The following MYH8 variants were observed in gnomAD, a reference collection of about 807,000 sequenced individuals.
MYH8 encodes the protein myosin heavy chain 8.
MYH8 carries 168 observed loss-of-function variants against 233.2 expected under a neutral mutation model. That is an observed-to-expected ratio of 0.72 (90% CI 0.64 to 0.82). The LOEUF (loss-of-function observed/expected upper bound fraction) is 0.82, where lower values mean the gene tolerates loss of function less well. MYH8 is among the 40% of genes least tolerant of loss of function. The pLI is 0.00. For synonymous variants in MYH8, 785 were observed against 850.6 expected (o/e 0.92, Z 1.34); for missense variants, 1,995 against 2,327.8 (o/e 0.86, Z 2.94).
rs1165311923 is a variant in MYH8 at position 10,420,082 on chromosome 17, T to C, written c.146A>G (p.Tyr49Cys). Residue 49 changes from tyrosine to cysteine, a missense_variant, in exon 3 of 40, where the codon TAT becomes TGT. Physicochemically the swap from Tyr to Cys is radical, Grantham distance 194 (BLOSUM62 -2). Coordinates refer to ENST00000403437, the MANE Select transcript of MYH8 (RefSeq NM_002472.3). Reference sequence around the variant, plus strand: ...TTTGCTTTGTATAGTGCTCTTCACATAGGATTCCTTGGGCTCCGCCACAAA... The same window carrying C: ...TTTGCTTTGTATAGTGCTCTTCACACAGGATTCCTTGGGCTCCGCCACAAA... ...SVFVAEPKES[Y>C]VKSTIQSKEG... 2.5e-6 allele frequency: 4 copies of C among 1,614,130 alleles called. No homozygotes were observed. Among genetic ancestry groups the C allele is most frequent in the Non-Finnish European group, 3.4e-6 (4 of 1,180,046 alleles).
At position 10,392,602 on chromosome 17, in the gene MYH8, A is replaced by G. The variant is rs148958015; in HGVS notation, c.5508T>C (p.Asn1836=). ...TCCGTAAACCTTTAACAGCCTCTGC[A>G]TTACGTTTCTGTTCATTTTCAACCT... ...EGEVENEQKR[N]AEAVKGLRKH... Residue 1836 remains asparagine, a synonymous_variant, in exon 38 of 40, where the codon AAT becomes AAC. Transcript: ENST00000403437. 420 of 1,614,114 alleles carry G rather than the reference A, an allele frequency of 2.6e-4. 4 individuals carry two copies. In the African/African-American group the frequency reaches 4.8e-3, roughly 19 times the overall value.
chr17:10,406,790 G>A lies in MYH8; in HGVS notation c.2071C>T (p.Leu691Phe). The A allele has an allele frequency of 6.2e-7, 1 of 1,614,082 alleles. No homozygotes were observed. Among genetic ancestry groups the A allele is most frequent in the Non-Finnish European group, 8.5e-7 (1 of 1,180,002 alleles). Reference sequence around the variant, plus strand: ...TTACACCTCAGCTGGTGCAACACAAGTTCATGTTCCATTGCCCCTAAAAAT... The same window carrying A: ...TTACACCTCAGCTGGTGCAACACAAATTCATGTTCCATTGCCCCTAAAAAT... ...TKTPGAMEHE[L>F]VLHQLRCNGV... is the part of the protein sequence containing the mutation. Residue 691 changes from leucine (L) to phenylalanine (F), a missense_variant, in exon 19 of 40, where the codon CTT becomes TTT. Transcript: ENST00000403437.
rs1198516187 is a variant in MYH8, at chr17:10,406,325, A to G, written c.2244T>C (p.Leu748=). 6.2e-6 allele frequency: 10 copies of G among 1,613,894 alleles called. 1 individual carries two copies. In the South Asian group the frequency reaches 1.1e-4, roughly 18 times the overall value. The change falls in exon 20 of 40, where the codon CTT becomes CTC. Residue 748 remains leucine, a synonymous_variant. Transcript: ENST00000403437. ...FIDSKKASEK[L]LASIDIDHTQ... ...TATGATCAATATCAATAGATGCAAG[A>G]AGTTTCTCAGAAGCCTTCTTGCTGT...
Position 10,421,916 on chromosome 17 carries a change from C to G in MYH8, c.-75+14G>C, listed in dbSNP as rs2072343237. 6.6e-6 allele frequency: 1 copy of G among 151,954 alleles called. No individual in the cohort carries two copies. 9.4% of individuals were successfully genotyped at this position (151,954 alleles called of 1,614,324 possible). Reference sequence around the variant, plus strand: ...ACCTGGGGTTTTTCGAGTTCCAAGGCCTTCATCACTTACCTCTGGGTTCTT... The same window carrying G: ...ACCTGGGGTTTTTCGAGTTCCAAGGGCTTCATCACTTACCTCTGGGTTCTT... On this transcript the variant is annotated intron_variant, in intron 1 of 39. Transcript: ENST00000403437.
intron 11 of MYH8, 41 bp from the exon 12 acceptor site, chr17:10,414,081 G>A (rs772689714): frequency 6.3e-5 from 102 of 1,613,094 alleles, no homozygotes; most frequent in Non-Finnish European, 8.2e-5. Flanking sequence ...GGGCTGAAGA[G>A]ACTAACTTAT....
chr17:10,403,860 C>T (rs983281980), intron 22 of MYH8, among the ~76,000 whole-genome samples: 2 of 152,164 alleles, frequency 1.3e-5, no homozygotes, highest in African/African-American at 4.8e-5. Context: ...ACACATTGCT[C>T]TGCCTGACAT....
chr17:10,391,874 ATACT>A lies in MYH8; in HGVS notation c.5664+4_5664+7del. 6.2e-7 allele frequency: 1 copy of A among 1,609,800 alleles called. No homozygotes were observed. Among genetic ancestry groups the A allele is most frequent in the Non-Finnish European group, 8.5e-7 (1 of 1,176,038 alleles). On this transcript the variant is annotated splice_donor_5th_base_variant and intron_variant, in intron 39 of 39. Transcript: ENST00000403437. ...TCCTTCTTTCCTCAAGGGCTTAAAG[ATACT>A]TACAGCCTCCTCAGCTTGTCTCTTG...
rs1351181207 is a variant in MYH8, at chr17:10,415,517, A to C, written c.603T>G (p.Ile201Met). The C allele has an allele frequency of 6.2e-7, 1 of 1,614,242 alleles. No individual in the cohort carries two copies. The highest frequency in any genetic ancestry group is 1.1e-5 in the South Asian group (1 of 91,084). Residue 201 changes from isoleucine (I) to methionine (M), a missense_variant, in exon 7 of 40, where the codon ATT (isoleucine) becomes ATG (methionine). By Grantham distance (10) the Ile-to-Met change is conservative. Around this residue, in one of 3 missense-constraint regions of MYH8, gnomAD observed 479 missense variants for 600.9 expected, o/e 0.80. Transcript: ENST00000403437. The surrounding 1 kb of genome is among the most constrained non-coding windows in gnomAD (Gnocchi z 4.1). ...CCTTCTTCTTCTCTCCAGTAACTGC[A>C]ATTGTTGCAAAGTATTGGATGACAC... ...TKRVIQYFATIAVTGEKKKDE... is the reference protein window; with the variant it reads ...TKRVIQYFATMAVTGEKKKDE...
chr17:10,407,960 T>C (rs1431358321), intron 17 of MYH8, among the ~76,000 whole-genome samples: 2 of 151,014 alleles, frequency 1.3e-5, no homozygotes, highest in Non-Finnish European at 3.0e-5. Context: ...TTTTTTTTTT[T>C]GACAGAATCT....
At chr17:10,412,880 G>A in intron 12 of MYH8, 152 bp from the exon 13 acceptor site, 1 of 767,784 alleles carries the variant, frequency 1.3e-6, no homozygotes, top group Admixed American at 2.1e-5. Context: ...CTTAGAGCAT[G>A]TGGTTGCCAG....
At chr17:10,421,075 G>A (rs1270746336) in intron 2 of MYH8, among the ~76,000 whole-genome samples, 4 of 152,022 alleles carry the variant, frequency 2.6e-5, no homozygotes, top group Non-Finnish European at 5.9e-5. Context: ...TAATAGATAG[G>A]CCTCTGCAAT....
Position 10,406,329 on chromosome 17 carries a change from T to C in MYH8, c.2240A>G (p.Lys747Arg). The change falls in exon 20 of 40, where the codon AAA (lysine) becomes AGA (arginine). Residue 747 changes from lysine to arginine, a missense_variant. Physicochemically the swap from Lys to Arg is conservative, Grantham distance 26. This residue lies in a region of MYH8 where 1,498 missense variants were observed against 1,680.9 expected (regional missense o/e 0.89). Transcript: ENST00000403437. ...ATCAATATCAATAGATGCAAGAAGT[T>C]TCTCAGAAGCCTTCTTGCTGTCAAT... ...QFIDSKKASEKLLASIDIDHT... is the reference protein window; with the variant it reads ...QFIDSKKASERLLASIDIDHT... 1 of 1,613,508 alleles carries C rather than the reference T, an allele frequency of 6.2e-7. No homozygotes were observed. Among genetic ancestry groups the C allele is most frequent in the East Asian group, 2.2e-5 (1 of 44,868 alleles).
chr17:10,401,838 G>C (rs2072146453), intron 22 of MYH8, 53 bp from the exon 23 acceptor site: 3 of 1,611,378 alleles, frequency 1.9e-6, no homozygotes, highest in Non-Finnish European at 8.5e-7. Context: ...TTTGAAACTT[G>C]GTGTTTTTTT....
chr17:10,400,999 A>C lies in MYH8; in HGVS notation c.3255-40T>G. 3 of 1,613,282 alleles carry C rather than the reference A, an allele frequency of 1.9e-6. No individual in the cohort carries two copies. The highest frequency in any genetic ancestry group is 2.5e-6 in the Non-Finnish European group (3 of 1,179,278). On this transcript the variant is annotated intron_variant, in intron 25 of 39. Coordinates refer to ENST00000403437, the MANE Select transcript of MYH8 (RefSeq NM_002472.3). The surrounding 1 kb of genome is among the most constrained non-coding windows in gnomAD (Gnocchi z 4.0). ...GCAAGACGTATTAATACTCATGTGA[A>C]TTGAAAGATGATATCACATAGAAGT...
chr17:10,391,842 A>G, intron 39 of MYH8, 40 bp downstream of exon 39: 1 of 1,536,076 alleles, frequency 6.5e-7, no homozygotes, highest in Non-Finnish European at 9.0e-7. Context: ...CTACTGCAAA[A>G]GAAATTTCCT....
rs754435722 is a variant in MYH8, at chr17:10,393,173, T to C, written c.5204A>G (p.Asn1735Ser). The C allele has an allele frequency of 6.2e-7, 1 of 1,614,212 alleles. No individual in the cohort carries two copies. Among genetic ancestry groups the C allele is most frequent in the Admixed American group, 1.7e-5 (1 of 60,032 alleles). ...SLINTKKKLE[N>S]DVSQLQSEVE... is the part of the protein sequence containing the mutation. The stretch of plus-strand genomic sequence containing the variant: ...TTCACTTTGGAGTTGGGAAACGTCA[T>C]TTTCTAATTTCTTCTTGGTGTTAAT... Residue 1735 changes from asparagine (N) to serine (S), a missense_variant, in exon 36 of 40, where the codon AAT becomes AGT. Transcript: ENST00000403437.
rs1390701391 is a variant in MYH8 at position 10,412,811 on chromosome 17, C to T, written c.1148-83G>A. 3 of 1,240,470 alleles carry T rather than the reference C, an allele frequency of 2.4e-6. No homozygotes were observed. The African/African-American group carries it at 4.4e-5, about 18-fold the overall frequency. 76.8% of individuals were successfully genotyped at this position (1,240,470 alleles called of 1,614,324 possible). On this transcript the variant is annotated intron_variant, in intron 12 of 39. Transcript: ENST00000403437. ...TCTTTCCATTTTTCTCCAATTCAAT[C>T]TATTATTTAAATAAAAAGCTTAAAT...
rs2072128188 is a variant in MYH8, at chr17:10,400,512, C to T, written c.3613G>A (p.Glu1205Lys). ...AAGTTGTCAATCTGCTCCCCAAGCT[C>T]AGCCATACTGTCTGCGTGCTTCTTC... ...LRKKHADSMA[E>K]LGEQIDNLQR... is the part of the protein sequence containing the mutation. Residue 1205 changes from glutamate (E) to lysine (K), a missense_variant, in exon 27 of 40, where the codon GAG (glutamate) becomes AAG (lysine). Glu to Lys is a moderately conservative substitution (Grantham distance 56). Coordinates refer to ENST00000403437, the MANE Select transcript of MYH8 (RefSeq NM_002472.3). This position sits in a 1 kb window ranked among gnomAD's most constrained non-coding sequence, Gnocchi z 4.0. 3.1e-6 allele frequency: 5 copies of T among 1,614,100 alleles called. No individual in the cohort carries two copies. The South Asian group carries it at 4.4e-5, about 14-fold the overall frequency.
At chr17:10,397,263 T>A (rs181139080) in intron 30 of MYH8, among the ~76,000 whole-genome samples, 178 of 151,842 alleles carry the variant, frequency 1.2e-3, no homozygotes, top group African/African-American at 3.3e-3. Flanking sequence ...ATATGTATAT[T>A]TTTTTTTAAA....
Sources: gnomAD v4.1 joint callset for allele counts (sites outside exome capture counted in the v4.1 genomes callset) on GRCh38, gnomAD v4.1.1 for gene constraint, gnomAD v4.1.1 regional missense constraint, Gnocchi (gnomAD v3.1) non-coding constraint, MANE v1.5 for transcripts, NCBI Gene and HGNC (gene_info 2026-07-23, HGNC 2026-07-21) for gene names.